Variants in CIT observed in about 807,000 individuals in gnomAD.
CIT encodes the protein citron Rho-interacting kinase.
CIT carries 79 observed loss-of-function variants against 272.7 expected under a neutral mutation model. The ratio of observed to expected loss-of-function variants is 0.29; its 90% CI spans 0.24 to 0.35. The LOEUF (loss-of-function observed/expected upper bound fraction) is 0.35. Among genes scored for constraint, CIT ranks in the 10% least tolerant of loss-of-function variants. The probability of loss-of-function intolerance (pLI) is 1.00; values close to 1 mark genes in which losing one functional copy is unlikely to be tolerated. For synonymous variants in CIT, 948 were observed against 995.6 expected (o/e 0.95, Z 0.90); for missense variants, 1,909 against 2,618.3 (o/e 0.73, Z 5.91).
intron 40 of CIT, among the ~76,000 whole-genome samples, chr12:119,706,015 G>A (rs989076772): frequency 3.3e-5 from 5 of 151,514 alleles, no homozygotes; most frequent in South Asian, 2.1e-4. Context: ...GCTTAAAGCC[G>A]GGAGGCAGAG....
At chr12:119,767,228 C>T (rs929085775) in intron 18 of CIT, 46 bp from the exon 19 acceptor site, 1 of 1,397,558 alleles carries the variant, frequency 7.2e-7, no homozygotes, top group Non-Finnish European at 9.9e-7. Flanking sequence ...GGGCAGGACA[C>T]CGCCAATGCA....
chr12:119,833,012 C>T (rs2138121950), intron 6 of CIT, 148 bp from the exon 7 acceptor site: 1 of 505,784 alleles, frequency 2.0e-6, no homozygotes, highest in East Asian at 3.2e-5. Flanking sequence ...TATTAGCATA[C>T]ATTTTGCAAA....
At chr12:119,844,246 T>G (rs1261325996) in intron 5 of CIT, among the ~76,000 whole-genome samples, 4 of 152,050 alleles carry the variant, frequency 2.6e-5, no homozygotes, top group African/African-American at 9.7e-5. Flanking sequence ...GGGCTTGAAC[T>G]CCTGAACTAA....
intron 18 of CIT, among the ~76,000 whole-genome samples, chr12:119,767,393 T>C (rs1003966846): frequency 5.9e-5 from 9 of 152,154 alleles, no homozygotes; most frequent in Non-Finnish European, 1.3e-4. Context: ...CATACACACA[T>C]AGCTGGTGGG....
chr12:119,817,740 T>C (rs1967328396), intron 9 of CIT, among the ~76,000 whole-genome samples: 2 of 152,134 alleles, frequency 1.3e-5, no homozygotes, highest in South Asian at 4.1e-4. Flanking sequence ...TAACATACTG[T>C]AGAAATTCAA....
rs747023959 is a variant in CIT, at chr12:119,785,081, C to A, written c.1296-16G>T. ...CACAACAGACCTAGGTAGAGAAAAA[C>A]CAACGTCAAGGGGGCCTGCAGGTGG... On this transcript the variant is annotated splice_polypyrimidine_tract_variant and intron_variant, in intron 10 of 47. Coordinates refer to ENST00000392521, the MANE Select transcript of CIT (RefSeq NM_001206999.2). The A allele has an allele frequency of 5.0e-6, 8 of 1,613,088 alleles. No individual in the cohort carries two copies. Among genetic ancestry groups the A allele is most frequent in the Non-Finnish European group, 6.8e-6 (8 of 1,179,698 alleles).
chr12:119,712,562 A>AGGGCG lies in CIT; in HGVS notation c.4684+24_4684+28dup. On this transcript the variant is annotated intron_variant, in intron 36 of 47. Transcript: ENST00000392521. This position sits in a 1 kb window ranked among gnomAD's most constrained non-coding sequence, Gnocchi z 5.2. ...GATTGGCCAAGCCCGGCCCACCTCC[A>AGGGCG]GGGCGGGGCTCCTCCGGCTCCTCCT... 6.3e-6 allele frequency: 10 copies of AGGGCG among 1,599,382 alleles called. No homozygotes were observed. The highest frequency in any genetic ancestry group is 2.6e-6 in the Non-Finnish European group (3 of 1,166,678).
Position 119,718,880 on chromosome 12 carries a change from A to G in CIT, c.3841-19T>C, listed in dbSNP as rs199928100. 1.6e-5 allele frequency: 26 copies of G among 1,613,536 alleles called. No individual in the cohort carries two copies. In the Admixed American group the frequency reaches 3.7e-4, roughly 23 times the overall value. ...ATAAACCCTAGCAATGGAAACAGAGATATCTCCTAACTCCTGGAAACTGGC... is the reference window on the plus strand; with the variant it reads ...ATAAACCCTAGCAATGGAAACAGAGGTATCTCCTAACTCCTGGAAACTGGC... On this transcript the variant is annotated intron_variant, in intron 30 of 47. Coordinates refer to ENST00000392521, the MANE Select transcript of CIT (RefSeq NM_001206999.2). The surrounding 1 kb of genome is among the most constrained non-coding windows in gnomAD (Gnocchi z 4.8).
At chr12:119,748,886 T>A (rs1443414830) in intron 23 of CIT, among the ~76,000 whole-genome samples, 1 of 152,220 alleles carries the variant, frequency 6.6e-6, no homozygotes, top group Non-Finnish European at 1.5e-5. Flanking sequence ...AGAGTGATGC[T>A]TATACCACAT....
chr12:119,834,665 T>C (rs953858321), intron 5 of CIT, among the ~76,000 whole-genome samples: 3 of 152,224 alleles, frequency 2.0e-5, no homozygotes, highest in Admixed American at 6.5e-5. Flanking sequence ...TCTTTTCCTT[T>C]TATAGTCAGT....
At chr12:119,774,140 A>C (rs1963493137) in intron 16 of CIT, among the ~76,000 whole-genome samples, 1 of 152,260 alleles carries the variant, frequency 6.6e-6, no homozygotes, top group Non-Finnish European at 1.5e-5. Flanking sequence ...TAGGGGGATG[A>C]GAGGAATTCG....
chr12:119,840,240 C>G (rs570319660), intron 5 of CIT, among the ~76,000 whole-genome samples: 1 of 152,266 alleles, frequency 6.6e-6, no homozygotes, highest in East Asian at 1.9e-4. Flanking sequence ...ACGGCTTGAG[C>G]CCAGGAGTTT....
At position 119,776,770 on chromosome 12, in the gene CIT, T is replaced by G. The variant is rs1436000226; in HGVS notation, c.1738A>C (p.Arg580=). ...TCAGATTCGTAGAGATCACTCCGTC[T>G]TCTTGCTGAGACAAGATCCTCTTCC... ...QLEEDLVSAR[R]RSDLYESELR... The change falls in exon 14 of 48, where the codon AGA becomes CGA. Residue 580 remains arginine, a synonymous_variant. Transcript: ENST00000392521. The G allele has an allele frequency of 6.2e-7, 1 of 1,614,164 alleles. No homozygotes were observed. The highest frequency in any genetic ancestry group is 8.5e-7 in the Non-Finnish European group (1 of 1,180,040).
At chr12:119,696,630 G>A (rs967052640) in intron 46 of CIT, among the ~76,000 whole-genome samples, 2 of 152,140 alleles carry the variant, frequency 1.3e-5, no homozygotes, top group Admixed American at 6.5e-5. Flanking sequence ...GGCTCAAGCA[G>A]TCCCCGCCAC....
chr12:119,768,691 T>C lies in CIT; in HGVS notation c.2209-1509A>G, dbSNP rs547232509. Among the ~76,000 whole-genome samples the C allele has an allele frequency of 6.6e-6, 1 of 152,320 alleles. No homozygotes were observed. The highest frequency in any genetic ancestry group is 6.5e-5 in the Admixed American group (1 of 15,306). On this transcript the variant is annotated intron_variant, in intron 18 of 47. Coordinates refer to ENST00000392521, the MANE Select transcript of CIT (RefSeq NM_001206999.2). This position sits in a 1 kb window ranked among gnomAD's most constrained non-coding sequence, Gnocchi z 4.3. ...CTTGAAGAGTTGAAAATAAACAGGA[T>C]TAATAAAAACATATTTTAAAAGGTT...
At chr12:119,869,510 A>G (rs1034363459) in intron 2 of CIT, among the ~76,000 whole-genome samples, 4 of 152,342 alleles carry the variant, frequency 2.6e-5, no homozygotes, top group Non-Finnish European at 4.4e-5. Flanking sequence ...TTTCCTCTGG[A>G]TCCTCTGGCT....
At chr12:119,714,450 G>T in intron 32 of CIT, 116 bp from the exon 33 acceptor site, 1 of 1,061,250 alleles carries the variant, frequency 9.4e-7, no homozygotes, top group Non-Finnish European at 1.4e-6. Flanking sequence ...TCTGATAAGG[G>T]ACTCATATCT....
intron 5 of CIT, among the ~76,000 whole-genome samples, chr12:119,834,873 C>T (rs984510044): frequency 1.7e-4 from 26 of 152,254 alleles, no homozygotes; most frequent in African/African-American, 6.3e-4. Context: ...CAGTTAGAGA[C>T]TGGCTAAAAT....
chr12:119,782,967 A>T (rs948090137), intron 12 of CIT: 18 of 184,390 alleles, frequency 9.8e-5, no homozygotes, highest in Non-Finnish European at 1.7e-4. Flanking sequence ...TACAGCCACC[A>T]TGTGGATAGC....
Sources: allele counts gnomAD v4.1 joint callset (sites outside exome capture counted in the v4.1 genomes callset), GRCh38; gene constraint gnomAD v4.1.1; non-coding constraint Gnocchi (gnomAD v3.1); transcripts MANE v1.5; gene names NCBI Gene and HGNC (gene_info 2026-07-23, HGNC 2026-07-21).